The following LUC7L variants were observed in gnomAD, a reference collection of about 807,000 sequenced individuals.
LUC7L encodes the protein putative RNA-binding protein Luc7-like 1.
LUC7L carries 29 observed loss-of-function variants against 51.1 expected under a neutral mutation model. The observed-to-expected ratio is 0.57, with a 90% CI of 0.42 to 0.77. The LOEUF (loss-of-function observed/expected upper bound fraction) is 0.77, where lower values mean the gene tolerates loss of function less well. Among genes scored for constraint, LUC7L ranks in the 30% least tolerant of loss-of-function variants. LUC7L has a pLI of 0.00. For synonymous variants in LUC7L, 181 were observed against 180.7 expected (o/e 1.00, Z -0.01); for missense variants, 403 against 511.9 (o/e 0.79, Z 2.05).
At chr16:228,559 G>A in intron 1 of LUC7L, 4 of 1,197,752 alleles carry the variant, frequency 3.3e-6, no homozygotes, top group Non-Finnish European at 4.3e-6. Context: ...CTGAGAATGT[G>A]CCAGTGTGAA....
chr16:198,078 C>A (rs1178334868), intron 6 of LUC7L, among the ~76,000 whole-genome samples: 1 of 151,718 alleles, frequency 6.6e-6, no homozygotes, highest in East Asian at 1.9e-4. Flanking sequence ...ACCATCCTGG[C>A]AAACACGATG....
At chr16:200,480 A>G (rs1305889352) in intron 5 of LUC7L, among the ~76,000 whole-genome samples, 5 of 151,544 alleles carry the variant, frequency 3.3e-5, no homozygotes, top group Non-Finnish European at 7.4e-5. Context: ...GGAGAGGCTG[A>G]GGCACAAATT....
intron 3 of LUC7L, among the ~76,000 whole-genome samples, chr16:212,561 T>TA (rs2049674051): frequency 6.6e-6 from 1 of 152,164 alleles, no homozygotes; most frequent in Non-Finnish European, 1.5e-5. Context: ...ATGTCACTCT[T>TA]ATACTGGACA....
intron 9 of LUC7L, 72 bp from the exon 10 acceptor site, chr16:189,411 T>C (rs2048949568): frequency 1.3e-6 from 2 of 1,525,608 alleles, no homozygotes; most frequent in Admixed American, 2.0e-5. Flanking sequence ...GCACTGACGA[T>C]GGACCCGCAG....
At chr16:228,337 CGAT>C in intron 1 of LUC7L, 1 of 1,304,056 alleles carries the variant, frequency 7.7e-7, no homozygotes, top group Non-Finnish European at 1.0e-6. Context: ...ACTCACGGCT[CGAT>C]GAACATGAGG....
chr16:211,944 C>T (rs1336339807), intron 3 of LUC7L, among the ~76,000 whole-genome samples: 1 of 152,214 alleles, frequency 6.6e-6, no homozygotes, highest in Non-Finnish European at 1.5e-5. Context: ...TCAGAACTGT[C>T]ACAGCAGACA....
intron 3 of LUC7L, chr16:208,550 G>A: frequency 1.1e-6 from 1 of 889,598 alleles, no homozygotes; most frequent in Non-Finnish European, 1.4e-6. Flanking sequence ...CTAGACTCGT[G>A]CTGGAGGCCC....
intron 3 of LUC7L, among the ~76,000 whole-genome samples, chr16:215,244 T>G (rs984858916): frequency 2.6e-5 from 4 of 152,030 alleles, no homozygotes; most frequent in African/African-American, 4.8e-5. Flanking sequence ...TCCCAGCACT[T>G]TGGGAGAGTG....
At chr16:228,788 A>C in intron 1 of LUC7L, 2 of 1,286,552 alleles carry the variant, frequency 1.6e-6, no homozygotes, top group Non-Finnish European at 1.0e-6. Flanking sequence ...GCAGAAACCC[A>C]CGTTAGAAAA....
At position 192,923 on chromosome 16, in the gene LUC7L, T is replaced by TCA; in HGVS notation, c.776+2_776+3dup. On this transcript the variant is annotated splice_donor_region_variant and intron_variant, in intron 7 of 9. Coordinates refer to ENST00000293872, the MANE Select transcript of LUC7L (RefSeq NM_201412.3). ...GGCCATCCAGTGCCAGCCCTCAGGC[T>TCA]CACCTCCTGCTCAGACGCTCCTCCC... 1 of 1,611,958 alleles carries TCA rather than the reference T, an allele frequency of 6.2e-7. No individual in the cohort carries two copies.
intron 7 of LUC7L, chr16:190,892 A>T (rs1316153158): frequency 3.8e-6 from 1 of 265,916 alleles, no homozygotes; most frequent in Non-Finnish European, 7.0e-6. Flanking sequence ...AAAAGAAAAA[A>T]AAAAAGTGAA....
chr16:193,100 G>T lies in LUC7L; in HGVS notation c.688-85C>A, dbSNP rs548135364. ...TACTTAACAAATCACCTTTATATGA[G>T]CTCAGTATTGGTAATTTAAAAATTG... On this transcript the variant is annotated intron_variant, in intron 6 of 9. Transcript: ENST00000293872. 9.8e-6 allele frequency: 10 copies of T among 1,016,180 alleles called. No individual in the cohort carries two copies. In the South Asian group the frequency reaches 1.1e-4, roughly 12 times the overall value. The allele number at this position is 1,016,180 out of a possible 1,614,324, so 62.9% of individuals were successfully genotyped here.
rs752156345 is a variant in LUC7L, at chr16:199,177, T to A, written c.572A>T (p.Glu191Val). 6.2e-7 allele frequency: 1 copy of A among 1,610,988 alleles called. No individual in the cohort carries two copies. Among genetic ancestry groups the A allele is most frequent in the Non-Finnish European group, 8.5e-7 (1 of 1,177,426 alleles). The change falls in exon 6 of 10, where the codon GAG (glutamate) becomes GTG (valine). Residue 191 changes from glutamate to valine, a missense_variant. Around this residue, in one of 3 missense-constraint regions of LUC7L, gnomAD observed 182 missense variants for 248.4 expected, o/e 0.73. Transcript: ENST00000293872. ...GAGACCAAGGTAGGCTGAACAGACC[T>A]CGCAGACACGCAGCTTTTGCTGCTG... ...SFQQQKLRVC[E>V]VCSAYLGLHD...
chr16:229,118 C>T, intron 1 of LUC7L, 161 bp downstream of exon 1: 3 of 1,410,884 alleles, frequency 2.1e-6, no homozygotes, highest in Non-Finnish European at 2.7e-6. Flanking sequence ...GACGCACCGG[C>T]TTAGACAAAG....
intron 2 of LUC7L, among the ~76,000 whole-genome samples, chr16:222,329 G>GAAA (rs35172319): frequency 7.8e-5 from 9 of 115,862 alleles, no homozygotes; most frequent in African/African-American, 1.3e-4. Context: ...TACATAACCA[G>GAAA]AAAAAAAAAA....
chr16:202,802 AAAC>A (rs1433412910), intron 5 of LUC7L, among the ~76,000 whole-genome samples: 3 of 152,224 alleles, frequency 2.0e-5, no homozygotes, highest in South Asian at 2.1e-4. Flanking sequence ...CAACTCTTAA[AAAC>A]AACAACTCCA....
At chr16:213,335 C>T (rs1288149148) in intron 3 of LUC7L, among the ~76,000 whole-genome samples, 4 of 152,044 alleles carry the variant, frequency 2.6e-5, no homozygotes, top group African/African-American at 9.7e-5. Flanking sequence ...TAGAAATGTG[C>T]CAGGAGTTCC....
intron 3 of LUC7L, among the ~76,000 whole-genome samples, chr16:210,312 G>A (rs1481965505): frequency 6.6e-6 from 1 of 152,124 alleles, no homozygotes; most frequent in African/African-American, 2.4e-5. Context: ...ACTGCTTCTT[G>A]TTGGTCACCC....
rs11863920 is a variant in LUC7L at position 229,265 on chromosome 16, C to G, written c.61+14G>C. ...CCACCCCAGACCCTCGCCTGGTTGGCCGCTCTGACTCACCGTCCCGAGCCG... is the reference window on the plus strand; with the variant it reads ...CCACCCCAGACCCTCGCCTGGTTGGGCGCTCTGACTCACCGTCCCGAGCCG... On this transcript the variant is annotated intron_variant, in intron 1 of 9. Transcript: ENST00000293872. 1 of 1,533,536 alleles carries G rather than the reference C, an allele frequency of 6.5e-7. No individual in the cohort carries two copies. The highest frequency in any genetic ancestry group is 8.7e-7 in the Non-Finnish European group (1 of 1,147,162). 95.0% of individuals were successfully genotyped at this position (1,533,536 alleles called of 1,614,324 possible). A position where few individuals can be genotyped will look rare whatever the true frequency, so the allele number is the denominator to read the frequency against.
Sources: gnomAD v4.1 joint callset for allele counts (sites outside exome capture counted in the v4.1 genomes callset) on GRCh38, gnomAD v4.1.1 for gene constraint, gnomAD v4.1.1 regional missense constraint, MANE v1.5 for transcripts, NCBI Gene and HGNC (gene_info 2026-07-23, HGNC 2026-07-21) for gene names.